Variants in UBQLN4 observed in about 807,000 individuals in gnomAD.
UBQLN4 encodes ubiquilin-4.
Under a neutral mutation model 60.4 loss-of-function variants are expected in UBQLN4, and 11 were observed. That is an observed-to-expected ratio of 0.18 (90% CI 0.11 to 0.30). The LOEUF is 0.30. UBQLN4 is among the 10% of genes least tolerant of loss of function. UBQLN4 has a pLI of 1.00. For synonymous variants in UBQLN4, 258 were observed against 313.1 expected, an observed-to-expected ratio of 0.82 and a Z score of 1.86; for missense variants, 417 against 795.5, an observed-to-expected ratio of 0.52 and a Z score of 5.72.
At chr1:156,047,644 T>C (rs531772815) in intron 5 of UBQLN4, among the ~76,000 whole-genome samples, 159 of 151,040 alleles carry the variant, frequency 1.1e-3, no homozygotes, top group African/African-American at 1.9e-3. Flanking sequence ...TCCTGTAATC[T>C]CAGCACTTTT....
intron 7 of UBQLN4, 126 bp downstream of exon 7, chr1:156,042,648 G>A (rs1683599101): frequency 7.2e-7 from 1 of 1,395,584 alleles, no homozygotes; most frequent in African/African-American, 1.4e-5. Context: ...CACACAGCTG[G>A]GAAGCAGCAG....
At chr1:156,046,246 G>C (rs1389084752) in intron 5 of UBQLN4, among the ~76,000 whole-genome samples, 3 of 151,456 alleles carry the variant, frequency 2.0e-5, no homozygotes, top group Non-Finnish European at 4.4e-5. Flanking sequence ...CCAGCACTTT[G>C]GGAGGCCGAG....
At position 156,042,134 on chromosome 1, in the gene UBQLN4, A is replaced by G. The variant is rs1683583972; in HGVS notation, c.1350+19T>C. On this transcript the variant is annotated intron_variant, in intron 8 of 10. Transcript: ENST00000368309. ...TACCCCTTGCCCTCAACCTCCACCC[A>G]TCTAGGCTCCTCACTCACCTGCTGC... 6.2e-7 allele frequency: 1 copy of G among 1,606,004 alleles called. No individual in the cohort carries two copies. The highest frequency in any genetic ancestry group is 8.5e-7 in the Non-Finnish European group (1 of 1,177,306).
intron 2 of UBQLN4, 34 bp from the exon 3 acceptor site, chr1:156,051,361 GAGCACT>G (rs1376864254): frequency 1.9e-6 from 3 of 1,547,250 alleles, no homozygotes; most frequent in Non-Finnish European, 2.6e-6. Context: ...CTGTTGGAGT[GAGCACT>G]AGAAGAGGGA....
At chr1:156,043,774 C>T (rs1170120144) in intron 6 of UBQLN4, among the ~76,000 whole-genome samples, 2 of 152,158 alleles carry the variant, frequency 1.3e-5, no homozygotes, top group African/African-American at 4.8e-5. Context: ...GAAGTGGGGC[C>T]TGGTTTACTC....
chr1:156,034,054 G>C (rs182821163), downstream of UBQLN4, among the ~76,000 whole-genome samples: 1 of 150,790 alleles, frequency 6.6e-6, no homozygotes, highest in Non-Finnish European at 1.5e-5. Flanking sequence ...TTTCTAGTGA[G>C]AGTATCGGTC....
Position 156,041,943 on chromosome 1 carries a change from G to A in UBQLN4, c.1395C>T (p.Ala465=). ...ESLSILTNPR[A]MQALLQIQQG... is the part of the protein sequence containing the mutation. ...GCTGGATCTGCAGCAATGCCTGCAT[G>A]GCTCGGGGATTGGTAAGGATGGAGA... Residue 465 remains alanine (A), a synonymous_variant, in exon 9 of 11, where the codon GCC becomes GCT. Coordinates refer to ENST00000368309, the MANE Select transcript of UBQLN4 (RefSeq NM_020131.5). The A allele has an allele frequency of 6.2e-7, 1 of 1,614,114 alleles. No homozygotes were observed. The highest frequency in any genetic ancestry group is 2.2e-5 in the East Asian group (1 of 44,884).
rs1683541835 is a variant in UBQLN4 at position 156,040,746 on chromosome 1, C to A, written c.1653+739G>T. ...GGATTACAGGCGTGAGCCACCGCGC[C>A]CAGCCAGTCCACAGAATTTAACTTG... On this transcript the variant is annotated intron_variant, in intron 10 of 10. Coordinates refer to ENST00000368309, the MANE Select transcript of UBQLN4 (RefSeq NM_020131.5). Among the ~76,000 whole-genome samples the A allele has an allele frequency of 2.0e-5, 3 of 152,326 alleles. No individual in the cohort carries two copies. The South Asian group carries it at 6.2e-4, about 32-fold the overall frequency.
Position 156,036,780 on chromosome 1 carries a change from G to T in UBQLN4, c.*198C>A. On this transcript the variant is annotated 3_prime_UTR_variant, in exon 11 of 11. Coordinates refer to ENST00000368309, the MANE Select transcript of UBQLN4 (RefSeq NM_020131.5). ...CAAGGAGACCAGGAGAGAAGAGTCT[G>T]TTAGAGACGTAGCAGTAAAACCATA... 6.9e-7 allele frequency: 1 copy of T among 1,439,746 alleles called. No homozygotes were observed. The highest frequency in any genetic ancestry group is 9.1e-7 in the Non-Finnish European group (1 of 1,098,540). 89.2% of individuals were successfully genotyped at this position (1,439,746 alleles called of 1,614,324 possible).
At position 156,051,172 on chromosome 1, in the gene UBQLN4, C is replaced by G; in HGVS notation, c.416G>C (p.Ser139Thr). The part of the protein sequence containing the change: ...SDAGSGSRRS[S>T]GGGPSPGAGE... ...AGCCCCCGGAGAGGGCCCCCCACCA[C>G]TGCTCCTCCGGCTTCCACTGCCAGC... Residue 139 changes from serine (S) to threonine (T), a missense_variant, in exon 3 of 11, where the codon AGT becomes ACT. Transcript: ENST00000368309. The G allele has an allele frequency of 6.2e-7, 1 of 1,611,840 alleles. No individual in the cohort carries two copies. The highest frequency in any genetic ancestry group is 8.5e-7 in the Non-Finnish European group (1 of 1,179,000).
chr1:156,052,145 T>G (rs978977544), intron 1 of UBQLN4, among the ~76,000 whole-genome samples: 2 of 152,162 alleles, frequency 1.3e-5, no homozygotes, highest in African/African-American at 4.8e-5. Flanking sequence ...CCTAGTTCTC[T>G]GTAAGGCAGA....
Position 156,037,411 on chromosome 1 carries a change from C to T in UBQLN4, c.1654-281G>A, listed in dbSNP as rs903847560. ...AAGATCGAGACCATCCTGGCTAACA[C>T]GGCGAAACCCCATCTCTACTAAAAA... On this transcript the variant is annotated intron_variant, in intron 10 of 10. Transcript: ENST00000368309. 5.9e-5 allele frequency among the ~76,000 whole-genome samples: 9 copies of T among 152,080 alleles called. No individual in the cohort carries two copies. The South Asian group carries it at 1.3e-3, about 21-fold the overall frequency.
At position 156,050,275 on chromosome 1, in the gene UBQLN4, G is replaced by T. The variant is rs771607951; in HGVS notation, c.741+16C>A. 1 of 1,546,342 alleles carries T rather than the reference G, an allele frequency of 6.5e-7. No homozygotes were observed. On this transcript the variant is annotated intron_variant, in intron 4 of 10. Coordinates refer to ENST00000368309, the MANE Select transcript of UBQLN4 (RefSeq NM_020131.5). This position sits in a 1 kb window ranked among gnomAD's most constrained non-coding sequence, Gnocchi z 4.6. ...GGCACCAGTGTCCTCCAGCTCTCCA[G>T]CCCTCTCATACTCACCTGCCTCATG...
intron 9 of UBQLN4, 68 bp downstream of exon 9, chr1:156,041,804 G>A: frequency 6.7e-7 from 1 of 1,502,132 alleles, no homozygotes; most frequent in Non-Finnish European, 9.0e-7. Context: ...CTGAGAGAGT[G>A]GCAGAGAGAA....
At chr1:156,043,935 C>G in intron 6 of UBQLN4, 63 bp downstream of exon 6, 1 of 1,534,454 alleles carries the variant, frequency 6.5e-7, no homozygotes, top group Non-Finnish European at 9.0e-7. Context: ...GAACCCCATT[C>G]AGTCCTGGGA....
chr1:156,044,307 G>T (rs1683643592), intron 5 of UBQLN4, 84 bp from the exon 6 acceptor site: 2 of 1,233,852 alleles, frequency 1.6e-6, no homozygotes, highest in South Asian at 1.3e-5. Context: ...TCACTTAATA[G>T]CCTCCCCTTC....
In UBQLN4 at chr1:156,042,234, C is replaced by A; in HGVS notation, c.1269G>T (p.Met423Ile). The A allele has an allele frequency of 1.3e-6, 2 of 1,596,180 alleles. No homozygotes were observed. Among genetic ancestry groups the A allele is most frequent in the Non-Finnish European group, 1.7e-6 (2 of 1,172,596 alleles). The change falls in exon 8 of 11, where the codon ATG becomes ATT. Residue 423 changes from methionine to isoleucine, a missense_variant and splice_region_variant. Physicochemically the swap from Met to Ile is conservative, Grantham distance 10. Coordinates refer to ENST00000368309, the MANE Select transcript of UBQLN4 (RefSeq NM_020131.5). Reference sequence around the variant, plus strand: ...CCGCGAAGAGCGGCACATTCACCATCATCTGCCAGGGTGAAGGTAGCAGGG... The same window carrying A: ...CCGCGAAGAGCGGCACATTCACCATAATCTGCCAGGGTGAAGGTAGCAGGG... ...LAQNPDFAAQ[M>I]MVNVPLFAGN...
At chr1:156,040,802 T>TA (rs1169132031) in intron 10 of UBQLN4, among the ~76,000 whole-genome samples, 1 of 152,220 alleles carries the variant, frequency 6.6e-6, no homozygotes, top group African/African-American at 2.4e-5. Context: ...CCACCTAGTT[T>TA]AGCTCTCTCG....
intron 10 of UBQLN4, among the ~76,000 whole-genome samples, chr1:156,037,921 C>CT (rs199505350): frequency 7.2e-4 from 109 of 151,212 alleles, no homozygotes; most frequent in African/African-American, 2.5e-3. Context: ...GAAGTATTTC[C>CT]TTTTTTTTTG....
Sources: allele counts gnomAD v4.1 joint callset (sites outside exome capture counted in the v4.1 genomes callset), GRCh38; gene constraint gnomAD v4.1.1; non-coding constraint Gnocchi (gnomAD v3.1); transcripts MANE v1.5; gene names NCBI Gene and HGNC (gene_info 2026-07-23, HGNC 2026-07-21).